The following ANXA8 variants were observed in gnomAD, a reference collection of about 807,000 sequenced individuals.
ANXA8 encodes the protein VAC-beta.
Under a neutral mutation model 26.8 loss-of-function variants are expected in ANXA8, and 9 were observed. The observed-to-expected ratio is 0.34, with a 90% CI of 0.20 to 0.59. The LOEUF (loss-of-function observed/expected upper bound fraction) is 0.59, where lower values mean the gene tolerates loss of function less well. Ranked by LOEUF, ANXA8 falls within the 20% of genes least tolerant of loss-of-function variation. ANXA8 has a pLI of 0.84. For missense variants in ANXA8, 83 were observed against 238.5 expected, an observed-to-expected ratio of 0.35 and a Z score of 4.29; for synonymous variants, 39 against 94.8, an observed-to-expected ratio of 0.41 and a Z score of 3.42.
the ANXA8 span, chr10:47,985,831 T>C: frequency 6.7e-6 from 1 of 150,276 alleles, no homozygotes; most frequent in African/African-American, 2.4e-5. Flanking sequence ...ATAAATGGAA[T>C]CATACAATGT....
chr10:47,547,284 A>G, the ANXA8 span, among the ~76,000 whole-genome samples: 1 of 139,116 alleles, frequency 7.2e-6, no homozygotes, highest in African/African-American at 2.6e-5. Flanking sequence ...ATTAAAAAGA[A>G]GGAGGCAGAG....
the ANXA8 span, among the ~76,000 whole-genome samples, chr10:47,974,330 A>AT: frequency 1.4e-4 from 20 of 144,330 alleles, no homozygotes; most frequent in Non-Finnish European, 2.9e-4. Context: ...AGTCTTGTTT[A>AT]TTTTTTTGAA....
chr10:47,491,754 T>C, the ANXA8 span: 8 of 1,545,092 alleles, frequency 5.2e-6, no homozygotes, highest in African/African-American at 9.7e-5. Context: ...GGTGCCTATC[T>C]AGGCTCTGGG....
the ANXA8 span, among the ~76,000 whole-genome samples, chr10:47,548,680 A>G: frequency 4.0e-5 from 6 of 149,900 alleles, no homozygotes; most frequent in African/African-American, 1.2e-4. Context: ...ATTTCCATAA[A>G]TGTACATTTT....
At chr10:47,672,245 A>G in the ANXA8 span, among the ~76,000 whole-genome samples, 4 of 150,158 alleles carry the variant, frequency 2.7e-5, no homozygotes, top group African/African-American at 7.4e-5. Flanking sequence ...GTCTTATTCT[A>G]TTGTGAAGAA....
the ANXA8 span, among the ~76,000 whole-genome samples, chr10:47,524,999 G>T: frequency 7.5e-4 from 27 of 35,890 alleles, no homozygotes; most frequent in Admixed American, 1.2e-3. Context: ...CATGGCAGAG[G>T]GGGAAGTCCT....
At chr10:47,899,895 A>G in the ANXA8 span, among the ~76,000 whole-genome samples, 2 of 150,486 alleles carry the variant, frequency 1.3e-5, no homozygotes, top group Non-Finnish European at 1.5e-5. Flanking sequence ...TTTATTTAGT[A>G]GAGATCTGGA....
chr10:47,691,105 T>A, the ANXA8 span: 1 of 1,611,074 alleles, frequency 6.2e-7, no homozygotes, highest in East Asian at 2.2e-5. Flanking sequence ...ATTCTGGCTC[T>A]AAAGTGCCTT....
At chr10:47,644,535 C>G in the ANXA8 span, among the ~76,000 whole-genome samples, 1 of 152,032 alleles carries the variant, frequency 6.6e-6, no homozygotes. Context: ...ATTTGCCAAC[C>G]CTTGGTTGAC....
the ANXA8 span, chr10:47,565,321 G>T: frequency 3.9e-6 from 2 of 511,424 alleles, no homozygotes; most frequent in Non-Finnish European, 6.8e-6. Context: ...GCCCGAGCGC[G>T]GGCAGGAAGC....
the ANXA8 span, among the ~76,000 whole-genome samples, chr10:47,746,926 G>A: frequency 1.6e-5 from 2 of 121,396 alleles, no homozygotes; most frequent in Admixed American, 1.8e-4. Flanking sequence ...TCCTTTTTCT[G>A]AGAAAAGAAT....
At chr10:47,650,819 A>G in the ANXA8 span, among the ~76,000 whole-genome samples, 6 of 146,924 alleles carry the variant, frequency 4.1e-5, 1 homozygote, top group South Asian at 1.3e-3. Flanking sequence ...AAAAAAAAAA[A>G]GGGCAAAGAA....
At chr10:47,488,667 C>T (rs1463583593), upstream of ANXA8, among the ~76,000 whole-genome samples, 1 of 142,402 alleles carries the variant, frequency 7.0e-6, no homozygotes, top group Non-Finnish European at 1.5e-5. Flanking sequence ...CTACTCATAG[C>T]TCACACACAT....
chr10:47,636,782 A>G, the ANXA8 span, among the ~76,000 whole-genome samples: 1 of 152,162 alleles, frequency 6.6e-6, no homozygotes, highest in Admixed American at 6.5e-5. Flanking sequence ...AGTTATGATC[A>G]TATCCTCAAG....
At chr10:47,547,400 A>G in the ANXA8 span, among the ~76,000 whole-genome samples, 2 of 137,626 alleles carry the variant, frequency 1.5e-5, 1 homozygote, top group Non-Finnish European at 3.1e-5. Flanking sequence ...AAAGGGTGGC[A>G]TGTGTGTTTA....
At chr10:47,548,619 T>C in the ANXA8 span, among the ~76,000 whole-genome samples, 1 of 144,592 alleles carries the variant, frequency 6.9e-6, no homozygotes, top group African/African-American at 2.5e-5. Context: ...TTTTTTTCTT[T>C]TTTTTGCTAA....
the ANXA8 span, among the ~76,000 whole-genome samples, chr10:47,644,463 C>T: frequency 2.3e-4 from 35 of 152,122 alleles, no homozygotes; most frequent in Admixed American, 2.6e-4. Flanking sequence ...ATGAGTGTGT[C>T]CATGCTGCAA....
chr10:47,517,253 T>G, the ANXA8 span, among the ~76,000 whole-genome samples: 2 of 112,532 alleles, frequency 1.8e-5, no homozygotes, highest in African/African-American at 7.4e-5. Flanking sequence ...AAAATAAGAT[T>G]AAATATTTAA....
the ANXA8 span, among the ~76,000 whole-genome samples, chr10:47,685,155 T>G: frequency 1.3e-5 from 2 of 150,444 alleles, no homozygotes; most frequent in Non-Finnish European, 3.0e-5. Flanking sequence ...AAGACCAGCC[T>G]GACTTACATG....
Sources: gnomAD v4.1 joint callset for allele counts (sites outside exome capture counted in the v4.1 genomes callset) on GRCh38, gnomAD v4.1.1 for gene constraint, MANE v1.5 for transcripts, NCBI Gene and HGNC (gene_info 2026-07-23, HGNC 2026-07-21) for gene names.